HERC2: variants seen among roughly 807,000 people sequenced by gnomAD.
HERC2 encodes E3 ubiquitin-protein ligase HERC2.
In HERC2, 102 loss-of-function variants were observed where a neutral mutation model predicts 537.7. That is an observed-to-expected ratio of 0.19 (90% CI 0.16 to 0.22). The LOEUF (loss-of-function observed/expected upper bound fraction) is 0.22, where lower values mean the gene tolerates loss of function less well. Among genes scored for constraint, HERC2 ranks in the 10% least tolerant of loss-of-function variants. The pLI, the probability that HERC2 is intolerant of heterozygous loss-of-function variation, is 1.00. For synonymous variants in HERC2, 2,224 were observed against 2,466.2 expected (o/e 0.90, Z 2.91); for missense variants, 4,236 against 6,198.2 (o/e 0.68, Z 10.63).
At chr15:28,257,432 C>G (rs1487710886) in intron 16 of HERC2, among the ~76,000 whole-genome samples, 171 bp from the exon 17 acceptor site, 1 of 147,046 alleles carries the variant, frequency 6.8e-6, no homozygotes, top group East Asian at 2.1e-4. Flanking sequence ...TATCAGCTTC[C>G]GATTTTCCCA....
Position 28,257,116 on chromosome 15 carries a change from G to A in HERC2, c.2462C>T (p.Pro821Leu), listed in dbSNP as rs773677746. The A allele has an allele frequency of 4.6e-5, 74 of 1,613,622 alleles. No homozygotes were observed. The highest frequency in any genetic ancestry group is 1.1e-4 in the East Asian group (5 of 44,858). The stretch of plus-strand genomic sequence containing the variant: ...GGCCACACACTCTTTCTCCTGGGGC[G>A]GGGGCCAGTCCGCGGAACCATCCAT... ...EGMDGSADWPPPQEKECVAVA... is the reference protein window; with the variant it reads ...EGMDGSADWPLPQEKECVAVA... The change falls in exon 17 of 93, where the codon CCG becomes CTG. Residue 821 changes from proline to leucine, a missense_variant. Around this residue, in one of 27 missense-constraint regions of HERC2, gnomAD observed 754 missense variants for 1,085.0 expected, o/e 0.69. Coordinates refer to ENST00000261609, the MANE Select transcript of HERC2 (RefSeq NM_004667.6).
chr15:28,123,195 C>A (rs969409716), intron 85 of HERC2, among the ~76,000 whole-genome samples: 1 of 152,160 alleles, frequency 6.6e-6, no homozygotes, highest in African/African-American at 2.4e-5. Context: ...CAGCAGAAAT[C>A]GTTCTAGCCA....
In HERC2 at chr15:28,117,173, G is replaced by A. The variant is rs1355738717; in HGVS notation, c.13273-19C>T. The A allele has an allele frequency of 6.2e-7, 1 of 1,613,124 alleles. No individual in the cohort carries two copies. Among genetic ancestry groups the A allele is most frequent in the Non-Finnish European group, 8.5e-7 (1 of 1,179,512 alleles). ...GTTTGACCTGGAGAGGAGGAAGCAA[G>A]CAAGCGTGAGGCCGCTGCCGCAGCA... On this transcript the variant is annotated intron_variant, in intron 86 of 92. Coordinates refer to ENST00000261609, the MANE Select transcript of HERC2 (RefSeq NM_004667.6).
intron 16 of HERC2, 62 bp from the exon 17 acceptor site, chr15:28,257,323 G>A (rs2075292750): frequency 2.8e-6 from 4 of 1,429,404 alleles, no homozygotes; most frequent in African/African-American, 1.4e-5. Context: ...CTGCTCCACA[G>A]GAGTCACCAG....
rs1001490584 is a variant in HERC2, at chr15:28,268,221, A to G, written c.1598+244T>C. Among the ~76,000 whole-genome samples, 2 of 152,192 alleles carry G rather than the reference A, an allele frequency of 1.3e-5. No homozygotes were observed. Among genetic ancestry groups the G allele is most frequent in the African/African-American group, 4.8e-5 (2 of 41,438 alleles). On this transcript the variant is annotated intron_variant, in intron 12 of 92. Transcript: ENST00000261609. This position sits in a 1 kb window ranked among gnomAD's most constrained non-coding sequence, Gnocchi z 4.7. ...GTGGGGATGCAGTTTGAGTAGATAG[A>G]AGGCTGGCCAAGGCTGCACGGGGTC...
chr15:28,196,018 G>A (rs1481294568), intron 52 of HERC2, among the ~76,000 whole-genome samples, 197 bp downstream of exon 52: 1 of 151,936 alleles, frequency 6.6e-6, no homozygotes, highest in Admixed American at 6.6e-5. Context: ...ATTCTTCCCC[G>A]ACACCCCATC....
intron 4 of HERC2, among the ~76,000 whole-genome samples, chr15:28,282,155 C>T (rs1456906735): frequency 1.3e-5 from 2 of 152,150 alleles, no homozygotes; most frequent in African/African-American, 4.8e-5. Context: ...GCCTGGACTT[C>T]GTCTCCAGCT....
intron 35 of HERC2, among the ~76,000 whole-genome samples, chr15:28,224,377 A>G (rs1900881838): frequency 6.6e-6 from 1 of 151,914 alleles, no homozygotes; most frequent in Non-Finnish European, 1.5e-5. Flanking sequence ...ACACACCACT[A>G]TGCCCAGCTA....
chr15:28,171,741 T>C (rs953123975), intron 65 of HERC2, among the ~76,000 whole-genome samples: 10 of 152,030 alleles, frequency 6.6e-5, no homozygotes, highest in Non-Finnish European at 1.0e-4. Context: ...CATTTAATAA[T>C]CTGAAATTCT....
chr15:28,143,831 C>G, intron 74 of HERC2, 42 bp downstream of exon 74: 5 of 1,612,514 alleles, frequency 3.1e-6, no homozygotes, highest in Non-Finnish European at 4.2e-6. Context: ...TTTTATTCCC[C>G]AAGGGTCACA....
In HERC2 at chr15:28,265,560, G is replaced by A. The variant is rs754607966; in HGVS notation, c.1870+58C>T. Reference sequence around the variant, plus strand: ...CACTGTACTCATCTCACTTCCTCCAGGGAAGCTGCCATGCGTGTCCTCGTG... The same window carrying A: ...CACTGTACTCATCTCACTTCCTCCAAGGAAGCTGCCATGCGTGTCCTCGTG... On this transcript the variant is annotated intron_variant, in intron 14 of 92. Transcript: ENST00000261609. This position sits in a 1 kb window ranked among gnomAD's most constrained non-coding sequence, Gnocchi z 4.0. 1.8e-4 allele frequency: 262 copies of A among 1,423,220 alleles called. 1 individual carries two copies. The highest frequency in any genetic ancestry group is 2.4e-4 in the Non-Finnish European group (242 of 1,010,272). The allele number at this position is 1,423,220 out of a possible 1,614,324, so 88.2% of individuals were successfully genotyped here.
intron 48 of HERC2, among the ~76,000 whole-genome samples, chr15:28,200,305 G>A (rs1478412855): frequency 6.6e-6 from 1 of 152,166 alleles, no homozygotes; most frequent in Non-Finnish European, 1.5e-5. Context: ...TGAGGCAGGA[G>A]AATGGCATGA....
At chr15:28,175,821 A>G in intron 63 of HERC2, among the ~76,000 whole-genome samples, 165 bp from the exon 64 acceptor site, 1 of 152,346 alleles carries the variant, frequency 6.6e-6, no homozygotes, top group East Asian at 1.9e-4. Context: ...ATTAATTCAA[A>G]TTAACTTATT....
rs1193938667 is a variant in HERC2 at position 28,311,292 on chromosome 15, C to T, written c.72+10070G>A. Among the ~76,000 whole-genome samples, 6 of 152,016 alleles carry T rather than the reference C, an allele frequency of 3.9e-5. No individual in the cohort carries two copies. In the South Asian group the frequency reaches 8.3e-4, roughly 21 times the overall value. On this transcript the variant is annotated intron_variant, in intron 2 of 92. Transcript: ENST00000261609. ...CCAGCCAAAGCAACACGGTGAAACT[C>T]GGTCTCTACAAAAAATACAAAAATT...
chr15:28,222,765 T>C (rs1900660362), intron 35 of HERC2, among the ~76,000 whole-genome samples: 1 of 152,188 alleles, frequency 6.6e-6, no homozygotes, highest in Non-Finnish European at 1.5e-5. Context: ...CAATGTGGTC[T>C]GTGCTGAAAC....
At chr15:28,229,388 G>A (rs1901588887) in intron 33 of HERC2, 42 bp from the exon 34 acceptor site, 3 of 1,613,334 alleles carry the variant, frequency 1.9e-6, no homozygotes, top group Middle Eastern at 1.7e-4. Flanking sequence ...GACACTGCCA[G>A]ACTTCTGTTA....
intron 34 of HERC2, among the ~76,000 whole-genome samples, 178 bp downstream of exon 34, chr15:28,229,017 C>A (rs1236993488): frequency 6.6e-6 from 1 of 152,182 alleles, no homozygotes; most frequent in African/African-American, 2.4e-5. Context: ...GTGTCTCCTG[C>A]TAAATTTTGA....
chr15:28,317,726 C>T (rs1332461273), intron 2 of HERC2, among the ~76,000 whole-genome samples: 1 of 152,172 alleles, frequency 6.6e-6, no homozygotes, highest in Non-Finnish European at 1.5e-5. Context: ...GTAGTAGTTA[C>T]ATTTACAGAC....
At chr15:28,132,927 T>G in intron 79 of HERC2, 97 bp from the exon 80 acceptor site, 1 of 982,492 alleles carries the variant, frequency 1.0e-6, no homozygotes, top group Non-Finnish European at 1.4e-6. Context: ...TCCTAATCAG[T>G]TAATTGTTAA....
Sources: allele counts gnomAD v4.1 joint callset (sites outside exome capture counted in the v4.1 genomes callset), GRCh38; gene constraint gnomAD v4.1.1; regional missense constraint gnomAD v4.1.1; non-coding constraint Gnocchi (gnomAD v3.1); transcripts MANE v1.5; gene names NCBI Gene and HGNC (gene_info 2026-07-23, HGNC 2026-07-21).